The following TRPM3 variants were observed in gnomAD, a reference collection of about 807,000 sequenced individuals.
TRPM3 encodes transient receptor potential cation channel subfamily M member 3.
TRPM3 carries 77 observed loss-of-function variants against 181.2 expected under a neutral mutation model. The observed-to-expected ratio is 0.42, with a 90% confidence interval of 0.35 to 0.51. TRPM3 has a LOEUF of 0.51. TRPM3 is among the 20% of genes least tolerant of loss of function. The pLI, the probability that TRPM3 is intolerant of heterozygous loss-of-function variation, is 0.01. For synonymous variants in TRPM3, 745 were observed against 796.4 expected (o/e 0.94, Z 1.09); for missense variants, 1,759 against 2,196.7 (o/e 0.80, Z 3.98).
chr9:71,025,949 C>T (rs2097892913), intron 1 of TRPM3, among the ~76,000 whole-genome samples: 1 of 138,556 alleles, frequency 7.2e-6, no homozygotes, highest in Non-Finnish European at 1.5e-5. Context: ...CCAGTGACTA[C>T]TGCAGAAGGG....
At chr9:70,539,092 C>A (rs1254914467) in intron 25 of TRPM3, among the ~76,000 whole-genome samples, 2 of 152,194 alleles carry the variant, frequency 1.3e-5, no homozygotes, top group Non-Finnish European at 2.9e-5. Context: ...CATTTGACTG[C>A]TGATTCTTAA....
chr9:70,872,950 C>A (rs2095813129), intron 1 of TRPM3, among the ~76,000 whole-genome samples: 1 of 151,898 alleles, frequency 6.6e-6, no homozygotes, highest in South Asian at 2.1e-4. Flanking sequence ...AAGCATTTTT[C>A]TTTTGATAGT....
At chr9:70,904,547 T>A (rs1207133793) in intron 1 of TRPM3, among the ~76,000 whole-genome samples, 1 of 151,676 alleles carries the variant, frequency 6.6e-6, no homozygotes, top group Non-Finnish European at 1.5e-5. Context: ...AAGTAGGGAG[T>A]AACCAGAAAA....
At chr9:71,077,124 A>G (rs1450037729) in intron 1 of TRPM3, among the ~76,000 whole-genome samples, 2 of 152,212 alleles carry the variant, frequency 1.3e-5, no homozygotes, top group African/African-American at 4.8e-5. Flanking sequence ...ACTAGGATCA[A>G]CCAAATAAAT....
chr9:70,794,906 T>C (rs768510791), intron 6 of TRPM3, among the ~76,000 whole-genome samples: 1 of 152,246 alleles, frequency 6.6e-6, no homozygotes, highest in African/African-American at 2.4e-5. Context: ...CCGTGGGTTC[T>C]ACATCTGTGG....
intron 1 of TRPM3, among the ~76,000 whole-genome samples, chr9:70,923,551 T>C (rs976935823): frequency 6.6e-6 from 1 of 152,106 alleles, no homozygotes; most frequent in Non-Finnish European, 1.5e-5. Context: ...GAATTGGATA[T>C]AAAGTAATGC....
chr9:71,077,073 G>A (rs771693102), intron 1 of TRPM3, among the ~76,000 whole-genome samples: 2 of 152,146 alleles, frequency 1.3e-5, no homozygotes, highest in Non-Finnish European at 2.9e-5. Context: ...ACTCCAGGCT[G>A]TAGAGCCCTC....
At chr9:70,741,788 G>A (rs563117162) in intron 8 of TRPM3, among the ~76,000 whole-genome samples, 25 of 152,174 alleles carry the variant, frequency 1.6e-4, no homozygotes, top group South Asian at 4.2e-4. Flanking sequence ...ATGCAAAAAC[G>A]TAAGAATGAT....
intron 1 of TRPM3, among the ~76,000 whole-genome samples, chr9:70,916,598 A>G (rs2096597417): frequency 1.3e-5 from 2 of 152,066 alleles, no homozygotes; most frequent in South Asian, 2.1e-4. Flanking sequence ...AAGCTCAGAA[A>G]CCATTTTTAA....
chr9:70,661,321 C>T lies in TRPM3; in HGVS notation c.1345+20185G>A, dbSNP rs1303804779. 2.6e-5 allele frequency among the ~76,000 whole-genome samples: 4 copies of T among 152,076 alleles called. No individual in the cohort carries two copies. In the South Asian group the frequency reaches 6.2e-4, roughly 24 times the overall value. ...ATAAAAGCCATATCTGACAAACCCA[C>T]AGCCAATGTCACACTAAACTGGGAA... is the stretch of plus-strand genomic sequence containing the variant. On this transcript the variant is annotated intron_variant, in intron 9 of 25. Transcript: ENST00000677713.
At chr9:70,603,257 C>G (rs1188753933) in intron 20 of TRPM3, 85 bp downstream of exon 20, 78 of 1,491,236 alleles carry the variant, frequency 5.2e-5, no homozygotes, top group Non-Finnish European at 6.6e-5. Context: ...TAATTTGCAT[C>G]CCAGGCATCT....
intron 1 of TRPM3, among the ~76,000 whole-genome samples, chr9:71,432,226 C>G (rs917565632): frequency 2.0e-5 from 3 of 151,878 alleles, no homozygotes; most frequent in African/African-American, 7.3e-5. Flanking sequence ...CATCGGTGGA[C>G]CCAAAGGCCT....
intron 1 of TRPM3, among the ~76,000 whole-genome samples, chr9:71,234,423 G>A (rs1313138460): frequency 1.3e-5 from 2 of 152,180 alleles, no homozygotes; most frequent in Non-Finnish European, 2.9e-5. Flanking sequence ...TGACCCATAT[G>A]TATTAGTATG....
intron 1 of TRPM3, among the ~76,000 whole-genome samples, chr9:71,310,041 T>A (rs893652982): frequency 6.6e-6 from 1 of 152,100 alleles, no homozygotes; most frequent in African/African-American, 2.4e-5. Flanking sequence ...AAACTATGAA[T>A]ATTTGTAAAC....
chr9:71,424,524 C>A (rs2093829631), intron 1 of TRPM3, among the ~76,000 whole-genome samples: 1 of 152,110 alleles, frequency 6.6e-6, no homozygotes, highest in South Asian at 2.1e-4. Context: ...TATCATAAGA[C>A]AGATCTAGTC....
At chr9:70,610,770 T>C (rs1352640631) in intron 18 of TRPM3, 21 bp from the exon 19 acceptor site, 11 of 1,613,708 alleles carry the variant, frequency 6.8e-6, no homozygotes, top group Non-Finnish European at 9.3e-6. Context: ...AGAGAATCGA[T>C]ACCATCATGA....
intron 1 of TRPM3, among the ~76,000 whole-genome samples, chr9:71,077,268 G>A (rs980595987): frequency 2.8e-5 from 4 of 145,036 alleles, no homozygotes; most frequent in Non-Finnish European, 6.2e-5. Flanking sequence ...GTACTTCTAG[G>A]TTTGGAAATC....
At chr9:71,384,166 C>T (rs1588768530) in intron 1 of TRPM3, among the ~76,000 whole-genome samples, 1 of 152,022 alleles carries the variant, frequency 6.6e-6, no homozygotes, top group East Asian at 1.9e-4. Context: ...TAGTTGTTTT[C>T]ATATTTAGGG....
chr9:70,998,263 A>ATT (rs200870881), intron 1 of TRPM3, among the ~76,000 whole-genome samples: 3 of 145,046 alleles, frequency 2.1e-5, no homozygotes, highest in South Asian at 2.1e-4. Context: ...ATATATATAT[A>ATT]TATTTTTTTT....
Sources: gnomAD v4.1 joint callset for allele counts (sites outside exome capture counted in the v4.1 genomes callset) on GRCh38, gnomAD v4.1.1 for gene constraint, MANE v1.5 for transcripts, NCBI Gene and HGNC (gene_info 2026-07-23, HGNC 2026-07-21) for gene names.